The following SGCZ variants were observed in gnomAD, a reference collection of about 807,000 sequenced individuals.
SGCZ encodes the protein zeta-sarcoglycan.
SGCZ carries 40 observed loss-of-function variants against 41.3 expected under a neutral mutation model. The ratio of observed to expected loss-of-function variants is 0.97; its 90% CI spans 0.75 to 1.26. The LOEUF (loss-of-function observed/expected upper bound fraction) is 1.26, where lower values mean the gene tolerates loss of function less well. SGCZ is among the 50% of genes most tolerant of loss of function. The pLI is 0.00. For missense variants in SGCZ, 552 were observed against 369.8 expected (o/e 1.49, Z -4.04); for synonymous variants, 206 against 137.5 (o/e 1.50, Z -3.49).
chr8:15,029,377 T>C (rs776013589), intron 1 of SGCZ, among the ~76,000 whole-genome samples: 1 of 152,076 alleles, frequency 6.6e-6, no homozygotes, highest in African/African-American at 2.4e-5. Context: ...ATATATGTTA[T>C]GGTATTTTTC....
chr8:14,843,233 T>C (rs1170142022), intron 1 of SGCZ, among the ~76,000 whole-genome samples: 1 of 152,028 alleles, frequency 6.6e-6, no homozygotes, highest in Non-Finnish European at 1.5e-5. Flanking sequence ...AAAAGAAGAC[T>C]AGTTTCTATG....
intron 1 of SGCZ, among the ~76,000 whole-genome samples, chr8:15,197,572 G>T (rs1034680679): frequency 6.6e-6 from 1 of 152,112 alleles, no homozygotes; most frequent in African/African-American, 2.4e-5. Context: ...TTAGCTCACA[G>T]AATCAATGAA....
chr8:14,746,827 G>A lies in SGCZ; in HGVS notation c.40-191901C>T, dbSNP rs141330133. Among the ~76,000 whole-genome samples the A allele has an allele frequency of 6.7e-3, 1,024 of 152,206 alleles. 7 individuals are homozygous for A. The highest frequency in any genetic ancestry group is 0.024 in the African/African-American group (979 of 41,544). ...AAAGATAAGTAGTCTCTTTTGAAATGAATTCAATGTATACAGACGTAATGT... is the reference window on the plus strand; with the variant it reads ...AAAGATAAGTAGTCTCTTTTGAAATAAATTCAATGTATACAGACGTAATGT... On this transcript the variant is annotated intron_variant, in intron 1 of 7. Transcript: ENST00000382080.
intron 1 of SGCZ, among the ~76,000 whole-genome samples, chr8:14,658,491 G>C (rs10097072): frequency 0.59 from 90,073 of 151,870 alleles, 29,091 homozygotes; most frequent in African/African-American, 0.84. Context: ...GATAAGATGC[G>C]CAGCCTCCAA....
chr8:15,128,072 G>C (rs1163125544), intron 1 of SGCZ, among the ~76,000 whole-genome samples: 2 of 152,102 alleles, frequency 1.3e-5, no homozygotes, highest in Non-Finnish European at 2.9e-5. Flanking sequence ...TCTTTAAGAA[G>C]AGACCCTTTT....
At chr8:15,021,618 G>A (rs1055444342) in intron 1 of SGCZ, among the ~76,000 whole-genome samples, 5 of 152,192 alleles carry the variant, frequency 3.3e-5, no homozygotes, top group African/African-American at 9.6e-5. Context: ...TAACAGTTAC[G>A]GAGAACACTA....
chr8:14,671,837 G>A (rs1218420487), intron 1 of SGCZ, among the ~76,000 whole-genome samples: 2 of 152,078 alleles, frequency 1.3e-5, no homozygotes, highest in Admixed American at 1.3e-4. Context: ...AGGCATTGGT[G>A]TCTTCTCTCT....
At chr8:15,229,108 C>G (rs1485957474) in intron 1 of SGCZ, among the ~76,000 whole-genome samples, 3 of 152,082 alleles carry the variant, frequency 2.0e-5, no homozygotes, top group African/African-American at 7.2e-5. Flanking sequence ...GGGAGAATCG[C>G]TTGAACCCAG....
chr8:14,184,011 C>T (rs544458847), intron 4 of SGCZ, among the ~76,000 whole-genome samples: 32 of 152,076 alleles, frequency 2.1e-4, no homozygotes, highest in Admixed American at 3.3e-4. Flanking sequence ...ATATAAATAT[C>T]GATTTTATAT....
intron 1 of SGCZ, among the ~76,000 whole-genome samples, chr8:15,020,249 A>G (rs1803200584): frequency 1.3e-5 from 2 of 152,172 alleles, no homozygotes; most frequent in African/African-American, 2.4e-5. Flanking sequence ...GGTTTGCTCA[A>G]TATAAATGAT....
At chr8:14,211,447 T>G (rs1307742776) in intron 4 of SGCZ, among the ~76,000 whole-genome samples, 1 of 152,132 alleles carries the variant, frequency 6.6e-6, no homozygotes, top group Non-Finnish European at 1.5e-5. Flanking sequence ...TGAACAGATT[T>G]CTCTAGTATC....
intron 1 of SGCZ, among the ~76,000 whole-genome samples, chr8:14,942,321 T>C (rs919814311): frequency 4.6e-5 from 7 of 152,168 alleles, no homozygotes; most frequent in African/African-American, 1.7e-4. Flanking sequence ...TGTATACATT[T>C]ACCATGAGAA....
chr8:15,133,767 G>T (rs1285009896), intron 1 of SGCZ, among the ~76,000 whole-genome samples: 1 of 152,140 alleles, frequency 6.6e-6, no homozygotes, highest in African/African-American at 2.4e-5. Flanking sequence ...TATCAGAAGA[G>T]ATTAGTAGTT....
intron 3 of SGCZ, among the ~76,000 whole-genome samples, chr8:14,304,384 A>C (rs562649353): frequency 1.3e-5 from 2 of 152,270 alleles, no homozygotes; most frequent in South Asian, 4.1e-4. Context: ...GCTTGAGCCC[A>C]TGAGTTTGAG....
intron 1 of SGCZ, among the ~76,000 whole-genome samples, 167 bp from the exon 2 acceptor site, chr8:14,555,093 A>C (rs901713417): frequency 6.6e-6 from 1 of 152,104 alleles, no homozygotes; most frequent in African/African-American, 2.4e-5. Context: ...GAAAACTTCG[A>C]ATCATTTTGT....
chr8:15,134,189 A>G (rs1229688490), intron 1 of SGCZ, among the ~76,000 whole-genome samples: 1 of 152,280 alleles, frequency 6.6e-6, no homozygotes, highest in South Asian at 2.1e-4. Context: ...CAGTAAAAAC[A>G]AACAAACAAA....
chr8:14,726,063 C>T (rs1452465597), intron 1 of SGCZ, among the ~76,000 whole-genome samples: 2 of 151,756 alleles, frequency 1.3e-5, no homozygotes, highest in African/African-American at 2.4e-5. Flanking sequence ...TCGAGACCAT[C>T]CTGGCTAACA....
intron 1 of SGCZ, among the ~76,000 whole-genome samples, chr8:15,122,279 G>C (rs1807511178): frequency 1.3e-5 from 2 of 152,012 alleles, no homozygotes; most frequent in Admixed American, 6.5e-5. Context: ...ATGTTGAACA[G>C]GATCATAAAG....
chr8:15,194,848 A>T (rs1414032818), intron 1 of SGCZ, among the ~76,000 whole-genome samples: 1 of 152,170 alleles, frequency 6.6e-6, no homozygotes, highest in Admixed American at 6.5e-5. Flanking sequence ...TGACCTCCCA[A>T]CCTATAAGGT....
Sources: allele counts gnomAD v4.1 joint callset (sites outside exome capture counted in the v4.1 genomes callset), GRCh38; gene constraint gnomAD v4.1.1; transcripts MANE v1.5; gene names NCBI Gene and HGNC (gene_info 2026-07-23, HGNC 2026-07-21).